The following DGKK variants were observed in gnomAD, a reference collection of about 807,000 sequenced individuals.
DGKK encodes diacylglycerol kinase kappa.
DGKK carries 35 observed loss-of-function variants against 92.2 expected under a neutral mutation model. The observed-to-expected ratio is 0.38, with a 90% CI of 0.29 to 0.50. The LOEUF is 0.50. DGKK is among the 20% of genes least tolerant of loss of function. DGKK has a pLI of 0.92. For missense variants in DGKK, 910 were observed against 992.2 expected, an observed-to-expected ratio of 0.92 and a Z score of 1.11; for synonymous variants, 368 against 360.6, an observed-to-expected ratio of 1.02 and a Z score of -0.23.
Position 50,470,793 on chromosome X carries a change from T to C in DGKK, c.-115A>G, listed in dbSNP as rs1557234602. ...CAGCCCCTCGCAGGGTGCCAAACTT[T>C]CCCCCATCCCACTCCATGGCTGGCT... On this transcript the variant is annotated 5_prime_UTR_variant, in exon 1 of 28. Coordinates refer to ENST00000611977, the MANE Select transcript of DGKK (RefSeq NM_001013742.4). The C allele has an allele frequency of 1.0e-5, 9 of 875,964 alleles. No individual in the cohort carries two copies. The highest frequency in any genetic ancestry group is 2.0e-5 in the African/African-American group (1 of 49,172). The allele number at this position is 875,964 out of a possible 1,213,427, so 72.2% of individuals were successfully genotyped here.
chrX:50,403,411 G>C (rs1373886137), intron 6 of DGKK, 80 bp downstream of exon 6: 1 of 986,283 alleles, frequency 1.0e-6, no homozygotes, highest in African/African-American at 1.9e-5. Flanking sequence ...GAGTTAGGAA[G>C]AAGTCTTCCT....
Position 50,424,257 on chromosome X carries a change from G to A in DGKK, c.747C>T (p.His249=). 8.3e-7 allele frequency: 1 copy of A among 1,209,763 alleles called. No individual in the cohort carries two copies. Among genetic ancestry groups the A allele is most frequent in the Non-Finnish European group, 1.1e-6 (1 of 894,106 alleles). Residue 249 remains histidine, a synonymous_variant, in exon 2 of 28, where the codon CAC becomes CAT. Transcript: ENST00000611977. Reference sequence around the variant, plus strand: ...ATATGCTATACATTACCGCGGGATGGTGTGCAAAGTAGAGCTTCTGTCCTT... The same window carrying A: ...ATATGCTATACATTACCGCGGGATGATGTGCAAAGTAGAGCTTCTGTCCTT... ...LVQGQKLYFA[H]HPAFAHFETI...
Position 50,429,668 on chromosome X carries a change from G to GCA in DGKK, c.646-5311_646-5310insTG, listed in dbSNP as rs1925836800. ...CGCGCCACTGCACTCCAGCCTGGAA[G>GCA]ACAGCGCAAGACTCCGTCACACACA... On this transcript the variant is annotated intron_variant, in intron 1 of 27. Transcript: ENST00000611977. Among the ~76,000 whole-genome samples, 12 of 112,624 alleles carry GCA rather than the reference G, an allele frequency of 1.1e-4. No individual in the cohort carries two copies. The South Asian group carries it at 4.0e-3, about 38-fold the overall frequency.
At chrX:50,445,781 T>C (rs1327901245) in intron 1 of DGKK, among the ~76,000 whole-genome samples, 2 of 111,482 alleles carry the variant, frequency 1.8e-5, no homozygotes, top group Non-Finnish European at 3.8e-5. Flanking sequence ...TTTGGCTCAA[T>C]ATGGATTTTT....
chrX:50,392,998 GGCTCTGGAGTTATGT>G (rs1412798778), intron 9 of DGKK, among the ~76,000 whole-genome samples, 139 bp downstream of exon 9: 2 of 112,494 alleles, frequency 1.8e-5, no homozygotes, highest in Non-Finnish European at 3.8e-5. Context: ...CAACCCAAAA[GGCTCTGGAGTTATGT>G]GCTTGTGTCC....
At chrX:50,399,346 T>C (rs1557226385) in intron 8 of DGKK, among the ~76,000 whole-genome samples, 1 of 112,132 alleles carries the variant, frequency 8.9e-6, no homozygotes, top group African/African-American at 3.2e-5. Context: ...CAGGAATCTT[T>C]GCCCCCTTCT....
intron 4 of DGKK, among the ~76,000 whole-genome samples, chrX:50,416,852 C>T (rs1925447883): frequency 9.0e-6 from 1 of 111,058 alleles, no homozygotes; most frequent in Non-Finnish European, 1.9e-5. Context: ...ATTCAGTTGT[C>T]TACCTTAGTA....
At chrX:50,456,359 A>G (rs996729606) in intron 1 of DGKK, among the ~76,000 whole-genome samples, 1 of 112,299 alleles carries the variant, frequency 8.9e-6, no homozygotes, top group Admixed American at 9.4e-5. Flanking sequence ...GCCTTGGAAT[A>G]GTCCTACTGA....
At chrX:50,447,343 TTA>T (rs1182539460) in intron 1 of DGKK, among the ~76,000 whole-genome samples, 24 of 12,284 alleles carry the variant, frequency 2.0e-3, no homozygotes, top group Admixed American at 4.0e-3. Flanking sequence ...TATATATATA[TTA>T]TATATATATA....
chrX:50,374,495 T>C (rs1163996482), intron 25 of DGKK, among the ~76,000 whole-genome samples: 4 of 111,587 alleles, frequency 3.6e-5, no homozygotes, highest in Non-Finnish European at 7.5e-5. Flanking sequence ...CTTGATACTT[T>C]GTTATGGCAG....
intron 11 of DGKK, among the ~76,000 whole-genome samples, chrX:50,390,979 T>A (rs1290025618): frequency 8.9e-6 from 1 of 111,919 alleles, no homozygotes; most frequent in Admixed American, 9.4e-5. Flanking sequence ...TATAGACTTT[T>A]CCCCAAGAGA....
At chrX:50,411,464 C>T (rs1463600502) in intron 4 of DGKK, among the ~76,000 whole-genome samples, 2 of 111,937 alleles carry the variant, frequency 1.8e-5, no homozygotes, top group Admixed American at 1.9e-4. Flanking sequence ...ATTCAAATCA[C>T]ATGATAATCT....
In DGKK at chrX:50,422,405, C is replaced by A. The variant is rs1054943554; in HGVS notation, c.837+41G>T. ...CATGGAAAGCTATCTTCCCAGCTAG[C>A]CCCTACCCCTGCCCATTCAGTCATT... is the stretch of plus-strand genomic sequence containing the variant. On this transcript the variant is annotated intron_variant, in intron 3 of 27. Coordinates refer to ENST00000611977, the MANE Select transcript of DGKK (RefSeq NM_001013742.4). 4 of 1,072,659 alleles carry A rather than the reference C, an allele frequency of 3.7e-6. No homozygotes were observed. The African/African-American group carries it at 7.3e-5, about 20-fold the overall frequency. 88.4% of individuals were successfully genotyped at this position (1,072,659 alleles called of 1,213,427 possible).
intron 15 of DGKK, among the ~76,000 whole-genome samples, chrX:50,385,555 T>TGCCTCTATAGAAATAGAGGCAAA (rs1557224886): frequency 8.9e-6 from 1 of 111,965 alleles, no homozygotes; most frequent in African/African-American, 3.2e-5. Context: ...ATTGATTGTT[T>TGCCTCTATAGAAATAGAGGCAAA]AATCCTTCCA....
chrX:50,368,848 G>A lies in DGKK; in HGVS notation c.*92C>T. Reference sequence around the variant, plus strand: ...GTCTTTCTTGGTGGTGCTCATGTTTGTTCTGAAATGATTTAGTCTAGCCTG... The same window carrying A: ...GTCTTTCTTGGTGGTGCTCATGTTTATTCTGAAATGATTTAGTCTAGCCTG... On this transcript the variant is annotated 3_prime_UTR_variant, in exon 28 of 28. Transcript: ENST00000611977. 2.7e-6 allele frequency: 2 copies of A among 740,700 alleles called. No homozygotes were observed. Among genetic ancestry groups the A allele is most frequent in the Non-Finnish European group, 4.0e-6 (2 of 504,141 alleles). 61.0% of individuals were successfully genotyped at this position (740,700 alleles called of 1,213,427 possible).
At chrX:50,413,116 C>T (rs1488136907) in intron 4 of DGKK, among the ~76,000 whole-genome samples, 1 of 110,794 alleles carries the variant, frequency 9.0e-6, no homozygotes, top group Admixed American at 9.6e-5. Flanking sequence ...AACCCCCAAC[C>T]ACAGTCCATG....
chrX:50,406,747 C>G (rs1256423739), intron 4 of DGKK, among the ~76,000 whole-genome samples: 1 of 112,001 alleles, frequency 8.9e-6, no homozygotes, highest in Non-Finnish European at 1.9e-5. Flanking sequence ...CTGCAGATAC[C>G]TTAATTTGGG....
intron 3 of DGKK, among the ~76,000 whole-genome samples, chrX:50,421,458 T>C (rs1361014011): frequency 8.9e-6 from 1 of 112,247 alleles, no homozygotes; most frequent in Non-Finnish European, 1.9e-5. Flanking sequence ...CAGCCACTCC[T>C]TTGGTCCAAA....
intron 1 of DGKK, among the ~76,000 whole-genome samples, chrX:50,465,260 TTTC>T (rs1926867010): frequency 9.0e-6 from 1 of 111,000 alleles, no homozygotes; most frequent in Admixed American, 9.6e-5. Context: ...TTAGAAGCTG[TTTC>T]TTTTTTTTTC....
Sources: gnomAD v4.1 joint callset for allele counts (sites outside exome capture counted in the v4.1 genomes callset) on GRCh38, gnomAD v4.1.1 for gene constraint, MANE v1.5 for transcripts, NCBI Gene and HGNC (gene_info 2026-07-23, HGNC 2026-07-21) for gene names.